The following SAMD9 variants were observed in gnomAD, a reference collection of about 807,000 sequenced individuals.
The protein encoded by SAMD9 is sterile alpha motif domain-containing protein 9.
In SAMD9, 3 loss-of-function variants were observed where a neutral mutation model predicts 1.5. The ratio of observed to expected loss-of-function variants is 2.05; its 90% CI spans 0.93 to 5.29. The LOEUF is 5.29. Ranked by LOEUF, SAMD9 falls within the 30% of genes most tolerant of loss-of-function variation. The pLI is 0.02. For synonymous variants in SAMD9, 635 were observed against 631.9 expected, an observed-to-expected ratio of 1.00 and a Z score of -0.07; for missense variants, 1,597 against 1,820.8, an observed-to-expected ratio of 0.88 and a Z score of 2.24.
chr7:93,103,877 A>G lies in SAMD9; in HGVS notation c.2221T>C (p.Cys741Arg), dbSNP rs1791581633. 1.2e-6 allele frequency: 2 copies of G among 1,613,890 alleles called. No homozygotes were observed. The highest frequency in any genetic ancestry group is 1.7e-6 in the Non-Finnish European group (2 of 1,179,880). ...KIIHLYHHPG[C>R]GGTTLAMHIL... ...TGCATAGCCAAGGTAGTTCCCCCAC[A>G]GCCTGGATGATGATACAGATGAATA... is the stretch of plus-strand genomic sequence containing the variant. Residue 741 changes from cysteine to arginine, a missense_variant, in exon 3 of 3, where the codon TGT becomes CGT. This residue lies in a region of SAMD9 where 358 missense variants were observed against 460.4 expected (regional missense o/e 0.78). Transcript: ENST00000379958.
At chr7:93,112,481 A>C (rs756278019) in intron 2 of SAMD9, among the ~76,000 whole-genome samples, 10 of 152,220 alleles carry the variant, frequency 6.6e-5, no homozygotes, top group Non-Finnish European at 1.2e-4. Context: ...TAAAGAAATA[A>C]AGAGTATTCA....
At chr7:93,110,521 T>TAA (rs1791723442) in intron 2 of SAMD9, among the ~76,000 whole-genome samples, 1 of 151,766 alleles carries the variant, frequency 6.6e-6, no homozygotes, top group Non-Finnish European at 1.5e-5. Context: ...GCAAATTGGT[T>TAA]AGAGTCAAGA....
At chr7:93,115,401 C>A (rs1283200144) in intron 1 of SAMD9, among the ~76,000 whole-genome samples, 1 of 152,156 alleles carries the variant, frequency 6.6e-6, no homozygotes, top group Admixed American at 6.5e-5. Flanking sequence ...CAGGCAACAA[C>A]ATGAATGAAT....
In SAMD9 at chr7:93,105,919, G is replaced by GA; in HGVS notation, c.178_179insT (p.Thr60IlefsTer21). On this transcript the variant is annotated frameshift_variant, in exon 3 of 3. Transcript: ENST00000379958. LOFTEE classifies it low-confidence loss of function (END_TRUNC). Reference sequence around the variant, plus strand: ...TTCTATTTGAATAGCTGGTCCATGTGTGATGCCCATATCAACAAGATGTTC... The same window carrying GA: ...TTCTATTTGAATAGCTGGTCCATGTGATGATGCCCATATCAACAAGATGTTC... 25 of 1,613,544 alleles carry GA rather than the reference G, an allele frequency of 1.5e-5. No homozygotes were observed. The highest frequency in any genetic ancestry group is 2.2e-5 in the East Asian group (1 of 44,868).
chr7:93,101,719 A>G lies in SAMD9; in HGVS notation c.4379T>C (p.Leu1460Pro). The G allele has an allele frequency of 1.2e-6, 2 of 1,613,746 alleles. No homozygotes were observed. Among genetic ancestry groups the G allele is most frequent in the Non-Finnish European group, 1.7e-6 (2 of 1,179,746 alleles). ...SEQMKEYAQA[L>P]KNSFKGQYKH... ...ATATTGCCCCTTGAAAGAATTTTTT[A>G]GTGCTTGAGCATACTCTTTCATTTG... The change falls in exon 3 of 3, where the codon CTA (leucine) becomes CCA (proline). Residue 1460 changes from leucine (L) to proline (P), a missense_variant. Leu to Pro is a moderately conservative substitution (Grantham distance 98). Around this residue, in one of 6 missense-constraint regions of SAMD9, gnomAD observed 682 missense variants for 810.0 expected, o/e 0.84. Transcript: ENST00000379958.
At chr7:93,116,666 G>A (rs1354102706) in intron 1 of SAMD9, among the ~76,000 whole-genome samples, 1 of 152,120 alleles carries the variant, frequency 6.6e-6, no homozygotes, top group Non-Finnish European at 1.5e-5. Context: ...AATTTAGAAA[G>A]TAATATAGGA....
rs747041511 is a variant in SAMD9 at position 93,105,224 on chromosome 7, C to G, written c.874G>C (p.Val292Leu). 1 of 1,613,920 alleles carries G rather than the reference C, an allele frequency of 6.2e-7. No individual in the cohort carries two copies. The change falls in exon 3 of 3, where the codon GTT becomes CTT. Residue 292 changes from valine to leucine, a missense_variant. Around this residue, in one of 6 missense-constraint regions of SAMD9, gnomAD observed 498 missense variants for 457.4 expected, o/e 1.09. Transcript: ENST00000379958. ...KCIREPRFVE[V>L]LLPNSTLSDR... ...GATAGAGTACTATTTGGCAGTAAAA[C>G]TTCCACAAATCTTGGCTCTCGAATG... is the stretch of plus-strand genomic sequence containing the variant.
At chr7:93,108,633 A>G (rs751240059) in intron 2 of SAMD9, among the ~76,000 whole-genome samples, 10 of 152,212 alleles carry the variant, frequency 6.6e-5, no homozygotes, top group Non-Finnish European at 1.3e-4. Flanking sequence ...GTCTTAGCAA[A>G]CAGCACACCA....
At position 93,102,326 on chromosome 7, in the gene SAMD9, TTAAA is replaced by T; in HGVS notation, c.3768_3771del (p.Tyr1256Ter). ...TTTTTCAAAGAAAATTTCAATTTAG[TTAAA>T]TAAGGAATATAGTTTTTGAGGGCTA... On this transcript the variant is annotated frameshift_variant, in exon 3 of 3. Coordinates refer to ENST00000379958, the MANE Select transcript of SAMD9 (RefSeq NM_017654.4). LOFTEE classifies it low-confidence loss of function (END_TRUNC). 8 of 1,609,500 alleles carry T rather than the reference TTAAA, an allele frequency of 5.0e-6. No individual in the cohort carries two copies. The highest frequency in any genetic ancestry group is 6.8e-6 in the Non-Finnish European group (8 of 1,176,226).
chr7:93,116,825 G>A (rs574327518), intron 1 of SAMD9, among the ~76,000 whole-genome samples: 8 of 152,176 alleles, frequency 5.3e-5, no homozygotes, highest in African/African-American at 1.9e-4. Flanking sequence ...CTGAAAATTT[G>A]GTTCTGAGCA....
In SAMD9 at chr7:93,105,844, G is replaced by T. The variant is rs183163060; in HGVS notation, c.254C>A (p.Thr85Lys). ...TTTACTGGGCTTTCCCATCTTAGAT[G>T]TCTGAATCGAATCTTCAATGGCTGT... ...RKTAIEDSIQ[T>K]SKMGKPSKNA... The change falls in exon 3 of 3, where the codon ACA becomes AAA. Residue 85 changes from threonine (T) to lysine (K), a missense_variant. Thr to Lys is a moderately conservative substitution (Grantham distance 78). This residue lies in a region of SAMD9 where 498 missense variants were observed against 457.4 expected (regional missense o/e 1.09). Coordinates refer to ENST00000379958, the MANE Select transcript of SAMD9 (RefSeq NM_017654.4). The T allele has an allele frequency of 6.2e-7, 1 of 1,614,122 alleles. No individual in the cohort carries two copies. Among genetic ancestry groups the T allele is most frequent in the Non-Finnish European group, 8.5e-7 (1 of 1,180,008 alleles).
At position 93,105,641 on chromosome 7, in the gene SAMD9, T is replaced by C. The variant is rs368510205; in HGVS notation, c.457A>G (p.Arg153Gly). The C allele has an allele frequency of 5.6e-6, 9 of 1,614,042 alleles. No individual in the cohort carries two copies. Among genetic ancestry groups the C allele is most frequent in the Non-Finnish European group, 7.6e-6 (9 of 1,180,030 alleles). Residue 153 changes from arginine (R) to glycine (G), a missense_variant, in exon 3 of 3, where the codon AGG (arginine) becomes GGG (glycine). Around this residue, in one of 6 missense-constraint regions of SAMD9, gnomAD observed 498 missense variants for 457.4 expected, o/e 1.09. Coordinates refer to ENST00000379958, the MANE Select transcript of SAMD9 (RefSeq NM_017654.4). ...IEDKIDYTKE[R>G]QPSIDLTCVS... ...CATGTCAGGTCTATGGATGGTTGCC[T>C]TTCCTTTGTATAATCTATTTTATCT...
At position 93,104,058 on chromosome 7, in the gene SAMD9, C is replaced by T. The variant is rs1223114982; in HGVS notation, c.2040G>A (p.Glu680=). 18 of 1,613,832 alleles carry T rather than the reference C, an allele frequency of 1.1e-5. No homozygotes were observed. The highest frequency in any genetic ancestry group is 1.4e-5 in the Non-Finnish European group (16 of 1,179,890). ...NKFLEFKASK[E]EDFYRGGKVS... is the part of the protein sequence containing the mutation. ...CTTTGCCACCTCGATAGAAGTCTTC[C>T]TCTTTTGATGCCTTGAATTCAAGGA... Residue 680 remains glutamate (E), a synonymous_variant, in exon 3 of 3, where the codon GAG becomes GAA. Transcript: ENST00000379958.
chr7:93,104,028 T>C lies in SAMD9; in HGVS notation c.2070A>G (p.Ser690=). 1.2e-6 allele frequency: 2 copies of C among 1,613,986 alleles called. No homozygotes were observed. The highest frequency in any genetic ancestry group is 1.3e-5 in the African/African-American group (1 of 75,046). The change falls in exon 3 of 3, where the codon TCA becomes TCG. Residue 690 remains serine (S), a synonymous_variant. Coordinates refer to ENST00000379958, the MANE Select transcript of SAMD9 (RefSeq NM_017654.4). ...EEDFYRGGKV[S]WWNFYFSSES... is the part of the protein sequence containing the mutation. ...CAGAAGAGAAGTAGAAGTTCCACCA[T>C]GACACTTTGCCACCTCGATAGAAGT... is the stretch of plus-strand genomic sequence containing the variant.
At position 93,104,538 on chromosome 7, in the gene SAMD9, A is replaced by G. The variant is rs1199954716; in HGVS notation, c.1560T>C (p.Asp520=). 3.7e-6 allele frequency: 6 copies of G among 1,613,938 alleles called. No homozygotes were observed. Among genetic ancestry groups the G allele is most frequent in the Non-Finnish European group, 5.1e-6 (6 of 1,179,938 alleles). Residue 520 remains aspartate (D), a synonymous_variant, in exon 3 of 3, where the codon GAT becomes GAC. Coordinates refer to ENST00000379958, the MANE Select transcript of SAMD9 (RefSeq NM_017654.4). ...TAAGAAATGAAATCAGTTTCCTGACATCAGAAGCTCTTTCTCTTTGCCAGG... is the reference window on the plus strand; with the variant it reads ...TAAGAAATGAAATCAGTTTCCTGACGTCAGAAGCTCTTTCTCTTTGCCAGG... The part of the protein sequence containing the change: ...PSSWQRERAS[D]VRKLISFLTH...
rs1242936205 is a variant in SAMD9, at chr7:93,104,050, A to C, written c.2048T>G (p.Phe683Cys). The change falls in exon 3 of 3, where the codon TTC becomes TGC. Residue 683 changes from phenylalanine to cysteine, a missense_variant. Physicochemically the swap from Phe to Cys is radical, Grantham distance 205. Transcript: ENST00000379958. ...LEFKASKEEDFYRGGKVSWWN... is the reference protein window; with the variant it reads ...LEFKASKEEDCYRGGKVSWWN... ...CCATGACACTTTGCCACCTCGATAG[A>C]AGTCTTCCTCTTTTGATGCCTTGAA... 6.2e-7 allele frequency: 1 copy of C among 1,613,872 alleles called. No homozygotes were observed. Among genetic ancestry groups the C allele is most frequent in the Non-Finnish European group, 8.5e-7 (1 of 1,179,888 alleles).
rs1481859165 is a variant in SAMD9, at chr7:93,104,257, A to T, written c.1841T>A (p.Ile614Asn). The change falls in exon 3 of 3, where the codon ATC becomes AAC. Residue 614 changes from isoleucine (I) to asparagine (N), a missense_variant. By Grantham distance (149) the Ile-to-Asn change is moderately radical. Coordinates refer to ENST00000379958, the MANE Select transcript of SAMD9 (RefSeq NM_017654.4). ...TTTTAGTTTAAGAATAGTGCCATTG[A>T]TCTCTTCAAGGCTTAAAGCAGAAAT... ...QCISALSLEE[I>N]NGTILKLKSV... 2 of 1,613,618 alleles carry T rather than the reference A, an allele frequency of 1.2e-6. No homozygotes were observed. Among genetic ancestry groups the T allele is most frequent in the East Asian group, 2.2e-5 (1 of 44,878 alleles).
rs1196133083 is a variant in SAMD9, at chr7:93,104,340, C to A, written c.1758G>T (p.Trp586Cys). The A allele has an allele frequency of 6.2e-7, 1 of 1,613,774 alleles. No individual in the cohort carries two copies. The highest frequency in any genetic ancestry group is 1.7e-5 in the Admixed American group (1 of 59,996). The change falls in exon 3 of 3, where the codon TGG (tryptophan) becomes TGT (cysteine). Residue 586 changes from tryptophan (W) to cysteine (C), a missense_variant. Transcript: ENST00000379958. ...TTAATCTTGCTTCAAGTAGATCTTT[C>A]CATCCCTGAAATATGTGTGGGTGCA... ...ICVHPHIFQGWKDLLEARLIK... is the reference protein window; with the variant it reads ...ICVHPHIFQGCKDLLEARLIK...
At position 93,102,556 on chromosome 7, in the gene SAMD9, A is replaced by C; in HGVS notation, c.3542T>G (p.Leu1181Trp). The C allele has an allele frequency of 6.2e-7, 1 of 1,613,840 alleles. No homozygotes were observed. Among genetic ancestry groups the C allele is most frequent in the Non-Finnish European group, 8.5e-7 (1 of 1,179,764 alleles). ...EDREYEVKER[L>W]YPKSKRRYDT... is the part of the protein sequence containing the mutation. ...ATACCGCCTTTTTGACTTCGGATAC[A>C]ATCTTTCCTTCACTTCATACTCTCT... The change falls in exon 3 of 3, where the codon TTG (leucine) becomes TGG (tryptophan). Residue 1181 changes from leucine to tryptophan, a missense_variant. Coordinates refer to ENST00000379958, the MANE Select transcript of SAMD9 (RefSeq NM_017654.4).
Sources: gnomAD v4.1 joint callset for allele counts (sites outside exome capture counted in the v4.1 genomes callset) on GRCh38, gnomAD v4.1.1 for gene constraint, gnomAD v4.1.1 regional missense constraint, MANE v1.5 for transcripts, NCBI Gene and HGNC (gene_info 2026-07-23, HGNC 2026-07-21) for gene names.